The following PCDHGB3 variants were observed in gnomAD, a reference collection of about 807,000 sequenced individuals.
The protein encoded by PCDHGB3 is protocadherin gamma subfamily B, 3.
Under a neutral mutation model 59.2 loss-of-function variants are expected in PCDHGB3, and 40 were observed. The observed-to-expected ratio is 0.68, with a 90% CI of 0.52 to 0.88. The LOEUF (loss-of-function observed/expected upper bound fraction) is 0.88, where lower values mean the gene tolerates loss of function less well. PCDHGB3 is among the 40% of genes least tolerant of loss of function. The pLI, the probability that PCDHGB3 is intolerant of heterozygous loss-of-function variation, is 0.00. For synonymous variants in PCDHGB3, 581 were observed against 503.6 expected, an observed-to-expected ratio of 1.15 and a Z score of -2.06; for missense variants, 1,309 against 1,187.9, an observed-to-expected ratio of 1.10 and a Z score of -1.50.
Position 141,431,535 on chromosome 5 carries a change from C to T in PCDHGB3, c.2415+58726C>T. On this transcript the variant is annotated intron_variant, in intron 1 of 3. Coordinates refer to ENST00000576222, the MANE Select transcript of PCDHGB3 (RefSeq NM_018924.5). This position sits in a 1 kb window ranked among gnomAD's most constrained non-coding sequence, Gnocchi z 4.8. ...GTTCCGGAGAATCTGGCCTTGGGCA[C>T]GCAGCTGCTTGTAGTCAACGCTACC... is the stretch of plus-strand genomic sequence containing the variant. 3 of 1,614,076 alleles carry T rather than the reference C, an allele frequency of 1.9e-6. No individual in the cohort carries two copies. Among genetic ancestry groups the T allele is most frequent in the Non-Finnish European group, 2.5e-6 (3 of 1,180,038 alleles).
chr5:141,403,204 G>C, intron 1 of PCDHGB3: 3 of 1,613,952 alleles, frequency 1.9e-6, no homozygotes, highest in Non-Finnish European at 2.5e-6. Flanking sequence ...GCGGCACCTT[G>C]GTCACCGCGG....
chr5:141,410,155 G>T, intron 1 of PCDHGB3: 1 of 1,612,898 alleles, frequency 6.2e-7, no homozygotes. Context: ...ACGGTGGACA[G>T]CCGCCACTCT....
chr5:141,424,383 T>C (rs2096817494), intron 1 of PCDHGB3: 2 of 152,238 alleles, frequency 1.3e-5, no homozygotes, highest in Non-Finnish European at 2.9e-5. Context: ...AAGCTCTAGA[T>C]GTCTTTTCCA....
At chr5:141,444,531 CTG>C (rs2098439915) in intron 1 of PCDHGB3, among the ~76,000 whole-genome samples, 1 of 152,100 alleles carries the variant, frequency 6.6e-6, no homozygotes, top group Non-Finnish European at 1.5e-5. Context: ...GAGACAGTGA[CTG>C]TGTCTAGTGA....
chr5:141,421,787 C>A (rs753196648), intron 1 of PCDHGB3: 1 of 1,613,812 alleles, frequency 6.2e-7, no homozygotes, highest in East Asian at 2.2e-5. Flanking sequence ...CGGGGCAGAA[C>A]GGATGGGGCC....
At chr5:141,450,676 G>A (rs1174388119) in intron 1 of PCDHGB3, among the ~76,000 whole-genome samples, 5 of 151,796 alleles carry the variant, frequency 3.3e-5, no homozygotes, top group African/African-American at 7.3e-5. Flanking sequence ...TAGTAGAAAC[G>A]GGGTTTTGCC....
At chr5:141,440,732 A>C (rs2154559008) in intron 1 of PCDHGB3, 1 of 152,346 alleles carries the variant, frequency 6.6e-6, no homozygotes, top group African/African-American at 2.4e-5. Context: ...GTGTTAGAGA[A>C]GCTGCTTGAC....
chr5:141,413,815 C>T (rs1357769705), intron 1 of PCDHGB3: 11 of 1,613,224 alleles, frequency 6.8e-6, no homozygotes, highest in Non-Finnish European at 8.5e-6. Flanking sequence ...CATTCACCAC[C>T]TGGTCCTCAC....
At chr5:141,381,012 AC>A (rs1776931879) in intron 1 of PCDHGB3, among the ~76,000 whole-genome samples, 1 of 152,354 alleles carries the variant, frequency 6.6e-6, no homozygotes, top group South Asian at 2.1e-4. Context: ...CATCTATAAT[AC>A]CTCTATTAGT....
At chr5:141,389,785 ACGCCGTC>A (rs1561627912) in intron 1 of PCDHGB3, 1 of 1,613,332 alleles carries the variant, frequency 6.2e-7, no homozygotes. Context: ...GGCGACAGGG[ACGCCGTC>A]CGCCAGCGCC....
At chr5:141,418,295 G>A (rs751665486) in intron 1 of PCDHGB3, 1 of 1,613,996 alleles carries the variant, frequency 6.2e-7, no homozygotes, top group Admixed American at 1.7e-5. Context: ...CAGTGAATCC[G>A]TCAGCCTGGG....
At chr5:141,500,185 TTTA>T (rs549090582) in intron 2 of PCDHGB3, among the ~76,000 whole-genome samples, 1 of 55,104 alleles carries the variant, frequency 1.8e-5, no homozygotes, top group Non-Finnish European at 3.2e-5. Flanking sequence ...CATTTTTATT[TTTA>T]TTTATTTATT....
rs754747902 is a variant in PCDHGB3 at position 141,417,898 on chromosome 5, G to T, written c.2415+45089G>T. The T allele has an allele frequency of 5.5e-5, 87 of 1,579,262 alleles. 1 individual carries two copies. The South Asian group carries it at 7.8e-4, about 14-fold the overall frequency. The stretch of plus-strand genomic sequence containing the variant: ...GCGCGCAGAGGCGCCGGGCCGGCCC[G>T]CGGCAGGTACTATTTCCTTTGCTGC... On this transcript the variant is annotated intron_variant, in intron 1 of 3. Coordinates refer to ENST00000576222, the MANE Select transcript of PCDHGB3 (RefSeq NM_018924.5).
rs753938620 is a variant in PCDHGB3 at position 141,371,264 on chromosome 5, A to G, written c.870A>G (p.Gln290=). Residue 290 remains glutamine (Q), a synonymous_variant, in exon 1 of 4, where the codon CAA becomes CAG. Transcript: ENST00000576222. ...AFINIGKEVR[Q]LFKLDSKTGE... Reference sequence around the variant, plus strand: ...TCAATATTGGCAAGGAAGTGAGACAACTGTTCAAGCTGGACAGTAAAACGG... The same window carrying G: ...TCAATATTGGCAAGGAAGTGAGACAGCTGTTCAAGCTGGACAGTAAAACGG... 27 of 1,614,064 alleles carry G rather than the reference A, an allele frequency of 1.7e-5. No individual in the cohort carries two copies. Among genetic ancestry groups the G allele is most frequent in the Non-Finnish European group, 2.0e-5 (24 of 1,179,906 alleles).
chr5:141,471,925 G>A (rs1371923375), intron 1 of PCDHGB3, among the ~76,000 whole-genome samples: 1 of 152,076 alleles, frequency 6.6e-6, no homozygotes, highest in Non-Finnish European at 1.5e-5. Flanking sequence ...AAATTTTGGG[G>A]GTGATGAGAG....
chr5:141,396,829 A>G (rs1216305888), intron 1 of PCDHGB3, among the ~76,000 whole-genome samples: 1 of 152,206 alleles, frequency 6.6e-6, no homozygotes, highest in African/African-American at 2.4e-5. Context: ...GTGCATATTC[A>G]GTGGAGTGGG....
chr5:141,395,195 C>T (rs1317395472), intron 1 of PCDHGB3: 1 of 1,613,760 alleles, frequency 6.2e-7, no homozygotes, highest in Admixed American at 1.7e-5. Context: ...TGTTAACATC[C>T]GTAGATTTTC....
chr5:141,432,237 A>T lies in PCDHGB3; in HGVS notation c.2415+59428A>T. ...GCCCAGATCACTTATTCCCTGGCTG[A>T]GAACACCATCCAAGGGGCAAGCCTA... On this transcript the variant is annotated intron_variant, in intron 1 of 3. Transcript: ENST00000576222. The surrounding 1 kb of genome is among the most constrained non-coding windows in gnomAD (Gnocchi z 6.0). The T allele has an allele frequency of 2.5e-6, 4 of 1,614,224 alleles. No individual in the cohort carries two copies. Among genetic ancestry groups the T allele is most frequent in the Non-Finnish European group, 3.4e-6 (4 of 1,180,032 alleles).
chr5:141,458,404 G>A lies in PCDHGB3; in HGVS notation c.2416-36403G>A, dbSNP rs183963289. Among the ~76,000 whole-genome samples the A allele has an allele frequency of 4.6e-5, 7 of 152,218 alleles. No homozygotes were observed. The East Asian group carries it at 5.8e-4, about 13-fold the overall frequency. ...GGAAGACGCTCCCCCTTGCAGAGAC[G>A]GAGCGGGGGTTCCAAAGCTGAAAGA... On this transcript the variant is annotated intron_variant, in intron 1 of 3. Transcript: ENST00000576222.
Sources: allele counts gnomAD v4.1 joint callset (sites outside exome capture counted in the v4.1 genomes callset), GRCh38; gene constraint gnomAD v4.1.1; non-coding constraint Gnocchi (gnomAD v3.1); transcripts MANE v1.5; gene names NCBI Gene and HGNC (gene_info 2026-07-23, HGNC 2026-07-21).